ESCO1: variants seen among roughly 807,000 people sequenced by gnomAD.
ESCO1 encodes the protein N-acetyltransferase ESCO1.
ESCO1 carries 33 observed loss-of-function variants against 83.5 expected under a neutral mutation model. That is an observed-to-expected ratio of 0.40 (90% confidence interval 0.30 to 0.53). The LOEUF (loss-of-function observed/expected upper bound fraction) is 0.53, where lower values mean the gene tolerates loss of function less well. Among genes scored for constraint, ESCO1 ranks in the 20% least tolerant of loss-of-function variants. The probability of loss-of-function intolerance (pLI) is 0.63; values close to 1 mark genes in which losing one functional copy is unlikely to be tolerated. For missense variants in ESCO1, 855 were observed against 968.0 expected, an observed-to-expected ratio of 0.88 and a Z score of 1.55; for synonymous variants, 332 against 324.3, an observed-to-expected ratio of 1.02 and a Z score of -0.25.
At chr18:21,540,776 G>C in intron 8 of ESCO1, 5 of 1,121,952 alleles carry the variant, frequency 4.5e-6, no homozygotes, top group Middle Eastern at 2.9e-4. Flanking sequence ...TTAAAACTAG[G>C]AGCTTTGAAG....
At chr18:21,590,726 G>A (rs1322606180) in intron 1 of ESCO1, among the ~76,000 whole-genome samples, 3 of 151,950 alleles carry the variant, frequency 2.0e-5, no homozygotes, top group African/African-American at 7.2e-5. Context: ...GAGGTGGGCA[G>A]ATCACGAGGT....
At chr18:21,549,324 C>T (rs1488088637) in intron 8 of ESCO1, among the ~76,000 whole-genome samples, 5 of 152,158 alleles carry the variant, frequency 3.3e-5, no homozygotes, top group African/African-American at 1.2e-4. Context: ...ACACTAAGGA[C>T]AGCAGAGTGC....
At chr18:21,583,047 G>T in intron 2 of ESCO1, among the ~76,000 whole-genome samples, 2 of 151,874 alleles carry the variant, frequency 1.3e-5, no homozygotes, top group Middle Eastern at 6.8e-3. Flanking sequence ...AAAAATTAGC[G>T]GGCAGGCACC....
chr18:21,538,904 T>C (rs1254509147), intron 9 of ESCO1, among the ~76,000 whole-genome samples: 7 of 152,054 alleles, frequency 4.6e-5, no homozygotes, highest in African/African-American at 1.7e-4. Context: ...AATGAACATA[T>C]TAAACTTATT....
rs2146212547 is a variant in ESCO1, at chr18:21,574,909, A to G, written c.-66T>C. 1 of 1,228,612 alleles carries G rather than the reference A, an allele frequency of 8.1e-7. No individual in the cohort carries two copies. The highest frequency in any genetic ancestry group is 1.5e-5 in the South Asian group (1 of 65,540). The allele number at this position is 1,228,612 out of a possible 1,614,324, so 76.1% of individuals were successfully genotyped here. On this transcript the variant is annotated 5_prime_UTR_variant, in exon 4 of 12. Transcript: ENST00000269214. Reference sequence around the variant, plus strand: ...GATTTTTGTGTCCTGGTAGGCGTGAATGCTGACTAGCTAGTATTATTACTG... The same window carrying G: ...GATTTTTGTGTCCTGGTAGGCGTGAGTGCTGACTAGCTAGTATTATTACTG...
At chr18:21,587,425 CTT>C (rs2038597434) in intron 1 of ESCO1, among the ~76,000 whole-genome samples, 1 of 152,092 alleles carries the variant, frequency 6.6e-6, no homozygotes, top group South Asian at 2.1e-4. Flanking sequence ...TATTCAATCT[CTT>C]TGTTATAGGT....
chr18:21,547,519 A>T (rs1476098556), intron 8 of ESCO1, among the ~76,000 whole-genome samples: 1 of 152,218 alleles, frequency 6.6e-6, no homozygotes, highest in Non-Finnish European at 1.5e-5. Flanking sequence ...AACATATAGT[A>T]TACAAATGTC....
intron 8 of ESCO1, among the ~76,000 whole-genome samples, chr18:21,548,522 G>C (rs952723762): frequency 2.0e-5 from 3 of 151,208 alleles, no homozygotes; most frequent in Admixed American, 1.3e-4. Flanking sequence ...AAAAGGCCAG[G>C]GGGGTGGTGG....
At chr18:21,554,402 G>A (rs2038085782) in intron 8 of ESCO1, among the ~76,000 whole-genome samples, 1 of 152,166 alleles carries the variant, frequency 6.6e-6, no homozygotes, top group Admixed American at 6.5e-5. Context: ...TAGGTGAATG[G>A]ATAAACTGTG....
At chr18:21,537,913 G>A (rs2037856240) in intron 9 of ESCO1, among the ~76,000 whole-genome samples, 1 of 151,808 alleles carries the variant, frequency 6.6e-6, no homozygotes, top group African/African-American at 2.4e-5. Flanking sequence ...TTATATGTAG[G>A]GCTTTTTTCA....
intron 8 of ESCO1, among the ~76,000 whole-genome samples, chr18:21,543,570 T>C (rs1428225639): frequency 6.6e-6 from 1 of 152,228 alleles, no homozygotes; most frequent in Non-Finnish European, 1.5e-5. Context: ...ACACTGAGTA[T>C]ATACAATGAT....
chr18:21,588,249 G>A (rs1294085142), intron 1 of ESCO1, among the ~76,000 whole-genome samples: 4 of 151,946 alleles, frequency 2.6e-5, no homozygotes, highest in Non-Finnish European at 5.9e-5. Context: ...AAATAGACCA[G>A]AATCAAACCA....
chr18:21,589,077 A>G (rs2038623751), intron 1 of ESCO1, among the ~76,000 whole-genome samples: 1 of 152,070 alleles, frequency 6.6e-6, no homozygotes. Flanking sequence ...CCACATCTCT[A>G]CTAAAAATAC....
At chr18:21,586,391 T>C (rs1207964563) in intron 1 of ESCO1, among the ~76,000 whole-genome samples, 3 of 152,252 alleles carry the variant, frequency 2.0e-5, no homozygotes, top group African/African-American at 4.8e-5. Context: ...TTCCATTCCA[T>C]ACCACATTTT....
intron 8 of ESCO1, among the ~76,000 whole-genome samples, chr18:21,544,407 G>C (rs2146178954): frequency 6.6e-6 from 1 of 150,758 alleles, no homozygotes; most frequent in South Asian, 2.1e-4. Context: ...AGAAGTTCGA[G>C]ACCAGCCTGG....
At chr18:21,530,657 A>AAT (rs1223710950) in intron 11 of ESCO1, among the ~76,000 whole-genome samples, 167 bp from the exon 12 acceptor site, 1 of 152,178 alleles carries the variant, frequency 6.6e-6, no homozygotes, top group Non-Finnish European at 1.5e-5. Flanking sequence ...ATTCATCTAT[A>AAT]ATATCAATAA....
intron 2 of ESCO1, among the ~76,000 whole-genome samples, chr18:21,579,076 G>A (rs1281261331): frequency 6.6e-6 from 1 of 152,050 alleles, no homozygotes; most frequent in Non-Finnish European, 1.5e-5. Context: ...TGGCCAGGCG[G>A]GTCCCGAACT....
chr18:21,539,576 G>C (rs975767465), intron 9 of ESCO1, among the ~76,000 whole-genome samples: 1 of 152,160 alleles, frequency 6.6e-6, no homozygotes, highest in African/African-American at 2.4e-5. Context: ...AATGGGCCAG[G>C]CGCAGTGGTT....
intron 9 of ESCO1, among the ~76,000 whole-genome samples, chr18:21,537,804 A>G (rs1447887115): frequency 6.6e-6 from 1 of 152,200 alleles, no homozygotes; most frequent in African/African-American, 2.4e-5. Flanking sequence ...TCCCATGTGC[A>G]TTTCCAAATG....
Sources: gnomAD v4.1 joint callset for allele counts (sites outside exome capture counted in the v4.1 genomes callset) on GRCh38, gnomAD v4.1.1 for gene constraint, MANE v1.5 for transcripts, NCBI Gene and HGNC (gene_info 2026-07-23, HGNC 2026-07-21) for gene names.